Variants in BRCA1 observed in about 807,000 individuals in gnomAD.
The protein encoded by BRCA1 is breast cancer type 1 susceptibility protein.
BRCA1 carries 140 observed loss-of-function variants against 173.7 expected under a neutral mutation model. The observed-to-expected ratio is 0.81, with a 90% CI of 0.70 to 0.93. The LOEUF (loss-of-function observed/expected upper bound fraction) is 0.93, where lower values mean the gene tolerates loss of function less well. Ranked by LOEUF, BRCA1 falls within the 40% of genes least tolerant of loss-of-function variation. The pLI is 0.00. For missense variants in BRCA1, 1,983 were observed against 2,172.5 expected (o/e 0.91, Z 1.73); for synonymous variants, 662 against 756.0 (o/e 0.88, Z 2.04).
At chr17:43,072,749 A>G (rs1298460366) in intron 14 of BRCA1, among the ~76,000 whole-genome samples, 1 of 151,838 alleles carries the variant, frequency 6.6e-6, no homozygotes, top group Non-Finnish European at 1.5e-5. Flanking sequence ...TTTTTAGTAG[A>G]GACAGGGTTT....
At chr17:43,068,193 C>G (rs1430818577) in intron 15 of BRCA1, among the ~76,000 whole-genome samples, 3 of 150,882 alleles carry the variant, frequency 2.0e-5, no homozygotes, top group Admixed American at 6.6e-5. Context: ...AGGAGAATGG[C>G]GTGAACCCAG....
rs759157605 is a variant in BRCA1, at chr17:43,093,692, C to T, written c.1839G>A (p.Arg613=). 2 of 1,614,056 alleles carry T rather than the reference C, an allele frequency of 1.2e-6. No individual in the cohort carries two copies. The highest frequency in any genetic ancestry group is 2.2e-5 in the East Asian group (1 of 44,874). ...SKAPKKNRLR[R]KSSTRHIHAL... is the part of the protein sequence containing the mutation. ...CATGAATATGCCTGGTAGAAGACTT[C>T]CTCCTCAGCCTATTCTTTTTAGGTG... The change falls in exon 10 of 23, where the codon AGG becomes AGA. Residue 613 remains arginine (R), a synonymous_variant. Transcript: ENST00000357654.
At chr17:43,128,031 A>AT (rs2154581268), upstream of BRCA1, among the ~76,000 whole-genome samples, 1 of 143,674 alleles carries the variant, frequency 7.0e-6, no homozygotes, top group Admixed American at 6.8e-5. Context: ...CTCAAAAAAA[A>AT]AAAAAAAAAA....
intron 1 of BRCA1, chr17:43,132,684 TCTC>T (rs1019621699): frequency 2.6e-5 from 4 of 152,106 alleles, no homozygotes; most frequent in African/African-American, 9.7e-5. Context: ...TTCAAGCAAT[TCTC>T]CTGCTTCAGC....
intron 1 of BRCA1, among the ~76,000 whole-genome samples, chr17:43,135,450 C>CGA (rs2056011425): frequency 6.6e-6 from 1 of 152,208 alleles, no homozygotes; most frequent in African/African-American, 2.4e-5. Context: ...CCAGTGGCTG[C>CGA]GACAGGGACC....
chr17:43,110,587 C>CAA (rs201518255), intron 3 of BRCA1: 986 of 271,218 alleles, frequency 3.6e-3, no homozygotes, highest in South Asian at 5.4e-3. Context: ...GACCCTGTCT[C>CAA]AAAAAAAAAA....
At chr17:43,109,515 G>A (rs188030827) in intron 3 of BRCA1, among the ~76,000 whole-genome samples, 1 of 152,148 alleles carries the variant, frequency 6.6e-6, no homozygotes, top group East Asian at 1.9e-4. Flanking sequence ...GTCCTTCTTC[G>A]CCGATATAGA....
rs876659731 is a variant in BRCA1 at position 43,093,063 on chromosome 17, C to A, written c.2468G>T (p.Arg823Ile). 1 of 1,613,702 alleles carries A rather than the reference C, an allele frequency of 6.2e-7. No individual in the cohort carries two copies. Among genetic ancestry groups the A allele is most frequent in the African/African-American group, 1.3e-5 (1 of 74,924 alleles). ...ATACTTAAAGCCTTCTGTGTCATTTCTATTATCTTTGGAACAACCATGAAT... is the reference window on the plus strand; with the variant it reads ...ATACTTAAAGCCTTCTGTGTCATTTATATTATCTTTGGAACAACCATGAAT... ...GLIHGCSKDNRNDTEGFKYPL... is the reference protein window; with the variant it reads ...GLIHGCSKDNINDTEGFKYPL... The change falls in exon 10 of 23, where the codon AGA becomes ATA. Residue 823 changes from arginine to isoleucine, a missense_variant. By Grantham distance (97) the Arg-to-Ile change is moderately conservative. Coordinates refer to ENST00000357654, the MANE Select transcript of BRCA1 (RefSeq NM_007294.4).
intron 3 of BRCA1, among the ~76,000 whole-genome samples, chr17:43,108,706 C>CCA (rs2054900661): frequency 6.2e-5 from 1 of 16,088 alleles, no homozygotes; most frequent in Non-Finnish European, 1.2e-4. Flanking sequence ...GACTCTGTCT[C>CCA]AAAAAAAAAA....
rs2051506626 is a variant in BRCA1 at position 43,057,080 on chromosome 17, T to C, written c.5249A>G (p.Lys1750Arg). 6.2e-7 allele frequency: 1 copy of C among 1,614,132 alleles called. No individual in the cohort carries two copies. Among genetic ancestry groups the C allele is most frequent in the South Asian group, 1.1e-5 (1 of 91,086 alleles). Reference protein sequence around the residue: ...VVNGRNHQGPKRARESQDRKI... With the variant: ...VVNGRNHQGPRRARESQDRKI... ...TCTGTCCTGGGATTCTCTTGCTCGC[T>C]TTGGACCTTGGTGGTTTCTTCCATT... is the stretch of plus-strand genomic sequence containing the variant. Residue 1750 changes from lysine (K) to arginine (R), a missense_variant, in exon 19 of 23, where the codon AAG becomes AGG. Lys to Arg is a conservative substitution (Grantham distance 26). Coordinates refer to ENST00000357654, the MANE Select transcript of BRCA1 (RefSeq NM_007294.4).
Position 43,082,662 on chromosome 17 carries a change from A to G in BRCA1, c.4186-87T>C, listed in dbSNP as rs1339295183. ...AAAATATATCATACAAATTAATTTT[A>G]GCACAGGAATTGAAATCACCTAGTA... On this transcript the variant is annotated intron_variant, in intron 11 of 22. Transcript: ENST00000357654. The G allele has an allele frequency of 4.1e-6, 6 of 1,454,916 alleles. No individual in the cohort carries two copies. In the East Asian group the frequency reaches 1.4e-4, roughly 34 times the overall value. The allele number at this position is 1,454,916 out of a possible 1,614,324, so 90.1% of individuals were successfully genotyped here.
At position 43,045,656 on chromosome 17, in the gene BRCA1, C is replaced by G. The variant is rs1346384762; in HGVS notation, c.*22G>C. 20 of 1,613,632 alleles carry G rather than the reference C, an allele frequency of 1.2e-5. No homozygotes were observed. The South Asian group carries it at 2.2e-4, about 18-fold the overall frequency. ...AGCTCATTCTTGGGGTCCTGTGGCT[C>G]TGTACCTGTGGCTGGCTGCAGTCAG... On this transcript the variant is annotated 3_prime_UTR_variant, in exon 23 of 23. Transcript: ENST00000357654.
chr17:43,145,329 CTT>C (rs1555603978), intron 1 of BRCA1: 2,290 of 405,366 alleles, frequency 5.6e-3, no homozygotes, highest in Non-Finnish European at 6.7e-3. Flanking sequence ...TTTTTTCTTT[CTT>C]TTTTTTTTTT....
At chr17:43,149,285 C>A (rs370362323) in intron 1 of BRCA1, among the ~76,000 whole-genome samples, 1 of 98,014 alleles carries the variant, frequency 1.0e-5, no homozygotes, top group Non-Finnish European at 2.2e-5. Flanking sequence ...TTTTTTTTTT[C>A]TTTGTATTTT....
chr17:43,110,183 C>T (rs367917055), intron 3 of BRCA1, among the ~76,000 whole-genome samples: 36 of 152,164 alleles, frequency 2.4e-4, no homozygotes, highest in Non-Finnish European at 4.4e-4. Flanking sequence ...CGTGAGCCAC[C>T]GCACCCGGCC....
At chr17:43,146,743 T>C (rs1484716971) in intron 1 of BRCA1, among the ~76,000 whole-genome samples, 2 of 152,042 alleles carry the variant, frequency 1.3e-5, no homozygotes, top group Non-Finnish European at 2.9e-5. Flanking sequence ...TGGGCTAGGG[T>C]CACTCTGTGT....
intron 1 of BRCA1, among the ~76,000 whole-genome samples, chr17:43,131,859 C>A (rs1406636671): frequency 3.3e-5 from 5 of 152,152 alleles, no homozygotes; most frequent in Non-Finnish European, 5.9e-5. Context: ...TCTCAGCTCA[C>A]TGCAACCTCT....
intron 2 of BRCA1, among the ~76,000 whole-genome samples, chr17:43,116,177 A>G (rs1382368722): frequency 1.4e-5 from 2 of 143,550 alleles, no homozygotes; most frequent in Non-Finnish European, 3.1e-5. Context: ...TTTCTTTTGA[A>G]TTCCTTCCTA....
At chr17:43,048,440 C>T (rs538109895) in intron 21 of BRCA1, among the ~76,000 whole-genome samples, 88 of 151,580 alleles carry the variant, frequency 5.8e-4, no homozygotes, top group African/African-American at 2.0e-3. Context: ...CTCTTGACCT[C>T]GTGATCTGCC....
Sources: gnomAD v4.1 joint callset for allele counts (sites outside exome capture counted in the v4.1 genomes callset) on GRCh38, gnomAD v4.1.1 for gene constraint, MANE v1.5 for transcripts, NCBI Gene and HGNC (gene_info 2026-07-23, HGNC 2026-07-21) for gene names.